Variants in KAT7 observed in about 807,000 individuals in gnomAD.
KAT7 encodes histone acetyltransferase KAT7.
KAT7 carries 10 observed loss-of-function variants against 82.1 expected under a neutral mutation model. The observed-to-expected ratio is 0.12, with a 90% CI of 0.08 to 0.21. The LOEUF is 0.21. Ranked by LOEUF, KAT7 falls within the 10% of genes least tolerant of loss-of-function variation. KAT7 has a pLI of 1.00. For synonymous variants in KAT7, 250 were observed against 262.5 expected (o/e 0.95, Z 0.46); for missense variants, 378 against 760.9 (o/e 0.50, Z 5.92).
chr17:49,806,518 C>T (rs879309310), intron 5 of KAT7, among the ~76,000 whole-genome samples: 1 of 152,138 alleles, frequency 6.6e-6, no homozygotes, highest in Non-Finnish European at 1.5e-5. Context: ...TAAATCAAAA[C>T]AGAAAAAGCT....
intron 12 of KAT7, chr17:49,824,648 A>G (rs1357627910): frequency 6.6e-6 from 1 of 152,250 alleles, no homozygotes; most frequent in African/African-American, 2.4e-5. Flanking sequence ...GGCGTGAGCC[A>G]CCTTGCCCGG....
intron 7 of KAT7, among the ~76,000 whole-genome samples, chr17:49,814,130 G>T (rs1476696475): frequency 2.0e-5 from 3 of 152,192 alleles, no homozygotes; most frequent in African/African-American, 4.8e-5. Context: ...GACCTCAAGT[G>T]ATTTGCCCAC....
intron 5 of KAT7, among the ~76,000 whole-genome samples, chr17:49,807,061 TGTTACATTTGTATTCA>T (rs1414366567): frequency 2.0e-5 from 3 of 152,248 alleles, no homozygotes; most frequent in South Asian, 2.1e-4. Flanking sequence ...CGATCAGTGA[TGTTACATTTGTATTCA>T]GTCATATATT....
At chr17:49,823,367 G>GA in intron 12 of KAT7, 72 bp downstream of exon 12, 1 of 851,516 alleles carries the variant, frequency 1.2e-6, no homozygotes, top group Admixed American at 1.8e-5. Context: ...TTTTTGTCCT[G>GA]TGGTCTCTGC....
intron 7 of KAT7, among the ~76,000 whole-genome samples, chr17:49,812,234 C>CTTTTTTT (rs35069050): frequency 5.0e-5 from 6 of 119,132 alleles, no homozygotes; most frequent in Non-Finnish European, 1.0e-4. Context: ...GCTTAAAAAT[C>CTTTTTTT]TTTTTTTTTT....
chr17:49,826,218 C>T, intron 13 of KAT7, 72 bp downstream of exon 13: 1 of 1,469,658 alleles, frequency 6.8e-7, no homozygotes, highest in Non-Finnish European at 9.4e-7. Context: ...TGTGTTTCCC[C>T]TGAATGTGAG....
At position 49,803,510 on chromosome 17, in the gene KAT7, C is replaced by T. The variant is rs530127306; in HGVS notation, c.581-1853C>T. Among the ~76,000 whole-genome samples the T allele has an allele frequency of 6.6e-5, 10 of 151,970 alleles. No individual in the cohort carries two copies. The East Asian group carries it at 9.7e-4, about 15-fold the overall frequency. Reference sequence around the variant, plus strand: ...TGCAATCTCGGCTCACCGCAAGCTCCGCCTCCCGGGTTCACACCATTCTCC... The same window carrying T: ...TGCAATCTCGGCTCACCGCAAGCTCTGCCTCCCGGGTTCACACCATTCTCC... On this transcript the variant is annotated intron_variant, in intron 4 of 14. Coordinates refer to ENST00000259021, the MANE Select transcript of KAT7 (RefSeq NM_007067.5).
chr17:49,823,087 T>A (rs1315292374), intron 11 of KAT7, 115 bp from the exon 12 acceptor site: 2 of 662,148 alleles, frequency 3.0e-6, no homozygotes, highest in African/African-American at 3.6e-5. Flanking sequence ...CAGCCACTCC[T>A]TGGGACTGGT....
rs777808325 is a variant in KAT7, at chr17:49,809,109, A to G, written c.664-10A>G. On this transcript the variant is annotated splice_polypyrimidine_tract_variant and intron_variant, in intron 5 of 14. Transcript: ENST00000259021. ...GCAGGTGGATTTATTGACGTTGTTG[A>G]TGGTTGCAGGTGAGAGCACAGAGCC... 4 of 1,611,086 alleles carry G rather than the reference A, an allele frequency of 2.5e-6. No homozygotes were observed. Among genetic ancestry groups the G allele is most frequent in the Middle Eastern group, 1.7e-4 (1 of 6,060 alleles).
intron 3 of KAT7, among the ~76,000 whole-genome samples, chr17:49,798,067 G>A (rs562204450): frequency 6.6e-6 from 1 of 152,290 alleles, no homozygotes; most frequent in African/African-American, 2.4e-5. Context: ...TCCATGATTA[G>A]CAACTCAGGA....
Position 49,827,694 on chromosome 17 carries a change from G to A in KAT7, c.*192G>A, listed in dbSNP as rs1019239557. On this transcript the variant is annotated 3_prime_UTR_variant, in exon 15 of 15. Coordinates refer to ENST00000259021, the MANE Select transcript of KAT7 (RefSeq NM_007067.5). ...GCTGGTTCTGAGGAACTGTTGTTTC[G>A]GCCTCAGTGAGGTTGCCTGGATGGG... The A allele has an allele frequency of 5.1e-6, 3 of 591,706 alleles. No homozygotes were observed. Among genetic ancestry groups the A allele is most frequent in the Non-Finnish European group, 9.0e-6 (3 of 331,862 alleles). 36.7% of individuals were successfully genotyped at this position (591,706 alleles called of 1,614,324 possible).
At chr17:49,803,075 T>C (rs1315320044) in intron 4 of KAT7, among the ~76,000 whole-genome samples, 4 of 151,422 alleles carry the variant, frequency 2.6e-5, no homozygotes, top group African/African-American at 9.7e-5. Flanking sequence ...GGATGGTTTT[T>C]CGTGTTCAAG....
intron 3 of KAT7, 100 bp downstream of exon 3, chr17:49,797,026 C>G: frequency 1.2e-6 from 1 of 864,628 alleles, no homozygotes; most frequent in East Asian, 2.5e-5. Flanking sequence ...CCTAATACTT[C>G]AGCTAGATGA....
chr17:49,818,099 A>G, intron 9 of KAT7, 88 bp downstream of exon 9: 2 of 1,019,592 alleles, frequency 2.0e-6, no homozygotes, highest in South Asian at 1.5e-5. Context: ...GCATCTGTTC[A>G]GGCACCTTCT....
In KAT7 at chr17:49,808,575, C is replaced by T. The variant is rs1289109747; in HGVS notation, c.664-544C>T. ...AAGCAGTTCTCCTGCCTCAGCCTCC[C>T]GAGTAGCGGGGATCACAGGCGCCTG... On this transcript the variant is annotated intron_variant, in intron 5 of 14. Transcript: ENST00000259021. 4.0e-5 allele frequency among the ~76,000 whole-genome samples: 6 copies of T among 151,600 alleles called. No homozygotes were observed. The East Asian group carries it at 5.8e-4, about 15-fold the overall frequency.
intron 4 of KAT7, among the ~76,000 whole-genome samples, chr17:49,800,990 A>G (rs893625800): frequency 6.6e-5 from 10 of 152,192 alleles, no homozygotes; most frequent in Non-Finnish European, 1.2e-4. Context: ...TGCTCTGGGC[A>G]AGAGAATAGT....
intron 2 of KAT7, among the ~76,000 whole-genome samples, chr17:49,795,985 AAAAG>A (rs2073951110): frequency 6.6e-6 from 1 of 152,178 alleles, no homozygotes; most frequent in Non-Finnish European, 1.5e-5. Context: ...TTATAAAAAA[AAAAG>A]CACAAAAAAA....
intron 8 of KAT7, 71 bp from the exon 9 acceptor site, chr17:49,817,749 C>T: frequency 8.0e-7 from 1 of 1,243,288 alleles, no homozygotes; most frequent in Non-Finnish European, 1.1e-6. Context: ...TTACAGGAGC[C>T]ACTGTGCCCT....
chr17:49,796,058 T>G (rs549993131), intron 2 of KAT7, among the ~76,000 whole-genome samples: 1 of 152,340 alleles, frequency 6.6e-6, no homozygotes, highest in East Asian at 1.9e-4. Context: ...TGAATTTTCC[T>G]TCATTTCCTT....
Sources: allele counts gnomAD v4.1 joint callset (sites outside exome capture counted in the v4.1 genomes callset), GRCh38; gene constraint gnomAD v4.1.1; transcripts MANE v1.5; gene names NCBI Gene and HGNC (gene_info 2026-07-23, HGNC 2026-07-21).